The following PCCA variants were observed in gnomAD, a reference collection of about 807,000 sequenced individuals.
PCCA encodes the protein propionyl-CoA carboxylase alpha chain, mitochondrial.
PCCA carries 74 observed loss-of-function variants against 101.3 expected under a neutral mutation model. The observed-to-expected ratio is 0.73, with a 90% CI of 0.61 to 0.89. The LOEUF is 0.89. PCCA is among the 40% of genes least tolerant of loss of function. PCCA has a pLI of 0.00. For missense variants in PCCA, 891 were observed against 907.0 expected, an observed-to-expected ratio of 0.98 and a Z score of 0.23; for synonymous variants, 294 against 313.6, an observed-to-expected ratio of 0.94 and a Z score of 0.66.
At chr13:100,500,999 G>A (rs2085623433) in intron 21 of PCCA, among the ~76,000 whole-genome samples, 1 of 152,042 alleles carries the variant, frequency 6.6e-6, no homozygotes, top group African/African-American at 2.4e-5. Context: ...AAAATTAGCC[G>A]GGTGTGGTGG....
chr13:100,207,234 T>G (rs995870396), intron 6 of PCCA, among the ~76,000 whole-genome samples: 20 of 152,168 alleles, frequency 1.3e-4, no homozygotes, highest in African/African-American at 4.8e-4. Flanking sequence ...ACATTGTCAC[T>G]CAAAGAAATG....
At chr13:100,476,445 T>G (rs922277352) in intron 21 of PCCA, among the ~76,000 whole-genome samples, 3 of 152,232 alleles carry the variant, frequency 2.0e-5, no homozygotes, top group Admixed American at 6.5e-5. Context: ...ACACTGTATT[T>G]AATTAGCACT....
chr13:100,159,369 G>A (rs143137020), intron 6 of PCCA, among the ~76,000 whole-genome samples: 1,595 of 152,054 alleles, frequency 0.01, 32 homozygotes, highest in African/African-American at 0.036. Context: ...GATTACAGGC[G>A]TGAGCCACTG....
At chr13:100,370,252 T>A (rs539893645) in intron 19 of PCCA, among the ~76,000 whole-genome samples, 1 of 151,824 alleles carries the variant, frequency 6.6e-6, no homozygotes, top group East Asian at 1.9e-4. Flanking sequence ...ACCCAACTAA[T>A]TTTTGTATTT....
intron 6 of PCCA, among the ~76,000 whole-genome samples, chr13:100,181,064 G>C (rs1056565681): frequency 6.6e-6 from 1 of 152,196 alleles, no homozygotes; most frequent in Non-Finnish European, 1.5e-5. Flanking sequence ...TTGTGAATGA[G>C]AGAGCTTAGT....
chr13:100,322,960 A>G (rs897311293), intron 16 of PCCA, among the ~76,000 whole-genome samples: 8 of 152,222 alleles, frequency 5.3e-5, no homozygotes, highest in Non-Finnish European at 1.2e-4. Flanking sequence ...AGCAGGTACC[A>G]TATTGTGTGC....
In PCCA at chr13:100,350,542, T is replaced by G. The variant is rs561671701; in HGVS notation, c.1643+10283T>G. On this transcript the variant is annotated intron_variant, in intron 18 of 23. Coordinates refer to ENST00000376285, the MANE Select transcript of PCCA (RefSeq NM_000282.4). ...GATATTTTCAGTTACTTAATATGAC[T>G]GTGTTGAAGATGGTTTAGAAATCTA... Among the ~76,000 whole-genome samples, 16 of 152,344 alleles carry G rather than the reference T, an allele frequency of 1.1e-4. No homozygotes were observed. In the South Asian group the frequency reaches 3.1e-3, roughly 30 times the overall value.
intron 7 of PCCA, among the ~76,000 whole-genome samples, chr13:100,230,599 A>G (rs1243911350): frequency 6.6e-6 from 1 of 150,594 alleles, no homozygotes; most frequent in Non-Finnish European, 1.5e-5. Flanking sequence ...GCCACCCTGG[A>G]CTCTGGGAGG....
intron 21 of PCCA, among the ~76,000 whole-genome samples, chr13:100,484,403 A>C (rs902677920): frequency 6.6e-6 from 1 of 152,174 alleles, no homozygotes; most frequent in Admixed American, 6.5e-5. Context: ...ACGTCCTCCA[A>C]AAATAGAAAA....
At chr13:100,361,273 A>T (rs1375717450) in intron 18 of PCCA, among the ~76,000 whole-genome samples, 3 of 142,568 alleles carry the variant, frequency 2.1e-5, no homozygotes, top group African/African-American at 7.9e-5. Flanking sequence ...GTGAACCTTA[A>T]TGTATGGACT....
rs1191126426 is a variant in PCCA, at chr13:100,368,553, A to G, written c.1725A>G (p.Ser575=). 6.2e-7 allele frequency: 1 copy of G among 1,603,188 alleles called. No individual in the cohort carries two copies. Among genetic ancestry groups the G allele is most frequent in the Non-Finnish European group, 8.5e-7 (1 of 1,170,436 alleles). ...LHDKVHTVVA[S]NNGSVFSVEV... ...ATAAAGTTCATACCGTAGTAGCATC[A>G]AACAATGGGTCAGTGTTCTCGGTGA... is the stretch of plus-strand genomic sequence containing the variant. Residue 575 remains serine (S), a synonymous_variant, in exon 19 of 24, where the codon TCA becomes TCG. Transcript: ENST00000376285.
Position 100,384,047 on chromosome 13 carries a change from G to A in PCCA, c.1746+15473G>A, listed in dbSNP as rs568894993. On this transcript the variant is annotated intron_variant, in intron 19 of 23. Transcript: ENST00000376285. ...GTTTGATTTTTTTTTTTTTTTTTGAGACAGAGCTCACTCTGTTGCCCAGGC... is the reference window on the plus strand; with the variant it reads ...GTTTGATTTTTTTTTTTTTTTTTGAAACAGAGCTCACTCTGTTGCCCAGGC... Among the ~76,000 whole-genome samples, 149 of 141,704 alleles carry A rather than the reference G, an allele frequency of 1.1e-3. 6 individuals are homozygous for A. In the South Asian group the frequency reaches 0.03, roughly 29 times the overall value. The allele number at this position is 141,704 out of a possible 152,430, so 93.0% of individuals were successfully genotyped here.
At position 100,203,902 on chromosome 13, in the gene PCCA, A is replaced by G. The variant is rs574130920; in HGVS notation, c.469-5430A>G. Among the ~76,000 whole-genome samples, 21 of 152,240 alleles carry G rather than the reference A, an allele frequency of 1.4e-4. No homozygotes were observed. The South Asian group carries it at 4.4e-3, about 32-fold the overall frequency. ...GAATTAACCCTGTAATCTCCCCAGT[A>G]TTCTTTTTGATGTTCCTATTGACAT... On this transcript the variant is annotated intron_variant, in intron 6 of 23. Coordinates refer to ENST00000376285, the MANE Select transcript of PCCA (RefSeq NM_000282.4).
At chr13:100,213,086 G>A (rs1027810818) in intron 7 of PCCA, among the ~76,000 whole-genome samples, 1 of 152,162 alleles carries the variant, frequency 6.6e-6, no homozygotes, top group African/African-American at 2.4e-5. Flanking sequence ...TTTGGTGGCT[G>A]AATAGTACTC....
intron 19 of PCCA, among the ~76,000 whole-genome samples, chr13:100,420,841 C>G (rs889539440): frequency 1.3e-5 from 2 of 152,014 alleles, no homozygotes; most frequent in Non-Finnish European, 2.9e-5. Flanking sequence ...TGTGTGCCTA[C>G]TAGTGAAAGG....
chr13:100,177,541 C>T (rs1252407584), intron 6 of PCCA, among the ~76,000 whole-genome samples: 1 of 152,082 alleles, frequency 6.6e-6, no homozygotes, highest in African/African-American at 2.4e-5. Context: ...AAAATCTAAA[C>T]GTGAGCTTTA....
chr13:100,408,814 GT>G lies in PCCA; in HGVS notation c.1747-16815del, dbSNP rs1187598481. On this transcript the variant is annotated intron_variant, in intron 19 of 23. Coordinates refer to ENST00000376285, the MANE Select transcript of PCCA (RefSeq NM_000282.4). ...GGGTGGGGGTCTGGCCTAGTAAAGT[GT>G]TTTCTAAAAGAGAAAAAACTTAAAA... Among the ~76,000 whole-genome samples the G allele has an allele frequency of 2.6e-4, 39 of 152,130 alleles. 1 individual carries two copies. Among genetic ancestry groups the G allele is most frequent in the South Asian group, 6.2e-4 (3 of 4,836 alleles).
chr13:100,128,661 A>G (rs766133802), intron 4 of PCCA, among the ~76,000 whole-genome samples: 1 of 152,128 alleles, frequency 6.6e-6, no homozygotes, highest in Non-Finnish European at 1.5e-5. Flanking sequence ...ACTCTACTAT[A>G]GAGTTCTTGC....
At chr13:100,290,973 A>G (rs1048357934) in intron 12 of PCCA, among the ~76,000 whole-genome samples, 4 of 152,236 alleles carry the variant, frequency 2.6e-5, no homozygotes, top group Non-Finnish European at 4.4e-5. Context: ...CTGTGGATTC[A>G]ATTAACTGTG....
Sources: gnomAD v4.1 joint callset for allele counts (sites outside exome capture counted in the v4.1 genomes callset) on GRCh38, gnomAD v4.1.1 for gene constraint, MANE v1.5 for transcripts, NCBI Gene and HGNC (gene_info 2026-07-23, HGNC 2026-07-21) for gene names.